EYA1: variants seen among roughly 807,000 people sequenced by gnomAD.
EYA1 encodes protein phosphatase EYA1.
EYA1 carries 16 observed loss-of-function variants against 82.0 expected under a neutral mutation model. That is an observed-to-expected ratio of 0.20 (90% confidence interval 0.13 to 0.30). The LOEUF is 0.30. EYA1 is among the 10% of genes least tolerant of loss of function. The probability of loss-of-function intolerance (pLI) is 1.00; values close to 1 mark genes in which losing one functional copy is unlikely to be tolerated. For missense variants in EYA1, 633 were observed against 730.7 expected (o/e 0.87, Z 1.54); for synonymous variants, 261 against 264.4 (o/e 0.99, Z 0.12).
chr8:71,427,122 T>C (rs567102719), intron 2 of EYA1, among the ~76,000 whole-genome samples: 13 of 152,332 alleles, frequency 8.5e-5, no homozygotes, highest in Admixed American at 8.5e-4. Context: ...GATCTAAACT[T>C]AGCAATGATT....
chr8:71,221,191 C>A (rs574726093), intron 12 of EYA1, among the ~76,000 whole-genome samples: 2 of 152,168 alleles, frequency 1.3e-5, no homozygotes, highest in East Asian at 3.9e-4. Context: ...ACAATCAAAC[C>A]GATAAAATGG....
chr8:71,532,472 T>C (rs1323822759), intron 2 of EYA1, among the ~76,000 whole-genome samples: 1 of 152,190 alleles, frequency 6.6e-6, no homozygotes. Flanking sequence ...ATCTATGTAG[T>C]AGAGAAAGAA....
intron 2 of EYA1, among the ~76,000 whole-genome samples, chr8:71,370,852 T>C (rs915796644): frequency 6.6e-6 from 1 of 152,076 alleles, no homozygotes; most frequent in African/African-American, 2.4e-5. Context: ...CTCAAACTCC[T>C]GAGCTCAAGC....
intron 9 of EYA1, among the ~76,000 whole-genome samples, chr8:71,287,042 C>T (rs777495970): frequency 2.0e-4 from 30 of 151,906 alleles, no homozygotes; most frequent in Non-Finnish European, 3.2e-4. Flanking sequence ...CTTCGTGATC[C>T]ACCCTCTTCG....
chr8:71,355,149 A>G (rs1298948826), intron 2 of EYA1, among the ~76,000 whole-genome samples: 1 of 152,100 alleles, frequency 6.6e-6, no homozygotes, highest in Admixed American at 6.5e-5. Flanking sequence ...TTAAAATTTC[A>G]TTTTTCTCTT....
chr8:71,507,492 CG>C (rs915263767), intron 2 of EYA1, among the ~76,000 whole-genome samples: 1 of 152,132 alleles, frequency 6.6e-6, no homozygotes, highest in African/African-American at 2.4e-5. Context: ...ACAACACCTA[CG>C]GGGGGAAATC....
intron 17 of EYA1, among the ~76,000 whole-genome samples, chr8:71,207,418 A>G (rs1157984411): frequency 6.6e-6 from 1 of 152,224 alleles, no homozygotes; most frequent in African/African-American, 2.4e-5. Flanking sequence ...TGACGTCTGA[A>G]TCTTTTGCAA....
At chr8:71,496,094 A>C (rs1811390495) in intron 2 of EYA1, among the ~76,000 whole-genome samples, 1 of 152,228 alleles carries the variant, frequency 6.6e-6, no homozygotes. Context: ...TTCAGACACT[A>C]TGCCTAATTT....
intron 2 of EYA1, among the ~76,000 whole-genome samples, chr8:71,497,859 T>C (rs970965624): frequency 4.6e-5 from 7 of 152,154 alleles, no homozygotes; most frequent in Admixed American, 1.3e-4. Context: ...GTGGTATATA[T>C]AATGGAATAC....
intron 6 of EYA1, among the ~76,000 whole-genome samples, chr8:71,320,416 A>G (rs1822408633): frequency 6.6e-6 from 1 of 152,200 alleles, no homozygotes; most frequent in Non-Finnish European, 1.5e-5. Flanking sequence ...CTTGACTTCT[A>G]TTATAGAATG....
chr8:71,536,886 T>C (rs2129289041), intron 1 of EYA1, among the ~76,000 whole-genome samples: 1 of 152,354 alleles, frequency 6.6e-6, no homozygotes, highest in East Asian at 1.9e-4. Flanking sequence ...CTGAATGATC[T>C]CATGTGAATA....
intron 9 of EYA1, among the ~76,000 whole-genome samples, chr8:71,292,319 A>G (rs905843606): frequency 2.0e-5 from 3 of 152,054 alleles, no homozygotes; most frequent in Non-Finnish European, 4.4e-5. Context: ...CCCTTCCTCT[A>G]TTTTGATCAT....
At chr8:71,254,992 T>C (rs1814231985) in intron 11 of EYA1, among the ~76,000 whole-genome samples, 2 of 152,160 alleles carry the variant, frequency 1.3e-5, no homozygotes, top group African/African-American at 4.8e-5. Flanking sequence ...TGATTCCATT[T>C]ACAATAGCAG....
At chr8:71,468,770 C>G (rs1018617805) in intron 2 of EYA1, among the ~76,000 whole-genome samples, 3 of 152,064 alleles carry the variant, frequency 2.0e-5, no homozygotes, top group Non-Finnish European at 4.4e-5. Context: ...ACTGCCCCAG[C>G]CTTTGAGATA....
chr8:71,493,656 G>A (rs1034947511), intron 2 of EYA1, among the ~76,000 whole-genome samples: 1 of 151,804 alleles, frequency 6.6e-6, no homozygotes, highest in Non-Finnish European at 1.5e-5. Context: ...TTTAAATATG[G>A]TTAATTTCAT....
intron 2 of EYA1, among the ~76,000 whole-genome samples, chr8:71,504,709 CT>C (rs772331045): frequency 1.3e-5 from 2 of 152,122 alleles, no homozygotes; most frequent in Non-Finnish European, 2.9e-5. Flanking sequence ...GGGCAGAGTC[CT>C]TGCATCTCCA....
In EYA1 at chr8:71,197,855, C is replaced by CAA. The variant is rs1806432131; in HGVS notation, c.*1483_*1484dup. The CAA allele has an allele frequency of 6.6e-6, 1 of 152,486 alleles. No homozygotes were observed. Among genetic ancestry groups the CAA allele is most frequent in the African/African-American group, 2.4e-5 (1 of 41,402 alleles). The allele number at this position is 152,486 out of a possible 1,614,324, so 9.4% of individuals were successfully genotyped here. A position where few individuals can be genotyped will look rare whatever the true frequency, so the allele number is the denominator to read the frequency against. ...TAGATGAGAGAAAATATTGCCCAGC[C>CAA]AAACTGACCACTTTTGGAGAAACTC... On this transcript the variant is annotated 3_prime_UTR_variant, in exon 18 of 18. Coordinates refer to ENST00000340726, the MANE Select transcript of EYA1 (RefSeq NM_000503.6).
chr8:71,412,406 AAAAATAAAAT>A (rs530038660), intron 2 of EYA1, among the ~76,000 whole-genome samples: 9 of 121,396 alleles, frequency 7.4e-5, no homozygotes, highest in East Asian at 2.3e-4. Flanking sequence ...AAATAAAATA[AAAAATAAAAT>A]AAAATAAAAT....
intron 2 of EYA1, among the ~76,000 whole-genome samples, chr8:71,442,576 T>A (rs1358071391): frequency 6.6e-6 from 1 of 152,208 alleles, no homozygotes; most frequent in Non-Finnish European, 1.5e-5. Context: ...AAAGTCAAAC[T>A]TTTTCTGGCA....
Sources: allele counts gnomAD v4.1 joint callset (sites outside exome capture counted in the v4.1 genomes callset), GRCh38; gene constraint gnomAD v4.1.1; transcripts MANE v1.5; gene names NCBI Gene and HGNC (gene_info 2026-07-23, HGNC 2026-07-21).